The following NTNG2 variants were observed in gnomAD, a reference collection of about 807,000 sequenced individuals.
NTNG2 encodes the protein netrin-G2.
NTNG2 carries 15 observed loss-of-function variants against 47.6 expected under a neutral mutation model. The ratio of observed to expected loss-of-function variants is 0.32; its 90% confidence interval spans 0.21 to 0.49. The LOEUF is 0.49. NTNG2 is among the 20% of genes least tolerant of loss of function. The probability of loss-of-function intolerance (pLI) is 0.99; values close to 1 mark genes in which losing one functional copy is unlikely to be tolerated. For missense variants in NTNG2, 578 were observed against 764.6 expected (o/e 0.76, Z 2.88); for synonymous variants, 307 against 324.6 (o/e 0.95, Z 0.58).
chr9:132,214,596 G>C (rs770441740), intron 3 of NTNG2, among the ~76,000 whole-genome samples: 1 of 152,222 alleles, frequency 6.6e-6, no homozygotes, highest in Non-Finnish European at 1.5e-5. Context: ...CTGTGGCTCT[G>C]TCCTTGCTGG....
chr9:132,223,341 C>G (rs755338030), intron 3 of NTNG2, among the ~76,000 whole-genome samples: 1 of 152,158 alleles, frequency 6.6e-6, no homozygotes, highest in Non-Finnish European at 1.5e-5. Context: ...TTCATTCCCA[C>G]TCAGACAGGG....
chr9:132,205,330 A>G (rs1839085300), intron 3 of NTNG2, among the ~76,000 whole-genome samples: 1 of 152,230 alleles, frequency 6.6e-6, no homozygotes, highest in African/African-American at 2.4e-5. Context: ...CCCTGAGGAC[A>G]TGATGCTAAG....
intron 2 of NTNG2, among the ~76,000 whole-genome samples, chr9:132,173,616 C>T (rs2131308224): frequency 6.6e-6 from 1 of 152,196 alleles, no homozygotes; most frequent in East Asian, 1.9e-4. Flanking sequence ...CCTCCAATCC[C>T]ACCTGCGATG....
rs1216328765 is a variant in NTNG2, at chr9:132,162,891, G to A, written c.-484+652G>A. On this transcript the variant is annotated intron_variant, in intron 1 of 7. Coordinates refer to ENST00000393229, the MANE Select transcript of NTNG2 (RefSeq NM_032536.4). The surrounding 1 kb of genome is among the most constrained non-coding windows in gnomAD (Gnocchi z 4.6). ...CCGGCGTGGAGTCGAACCTGGAACT[G>A]AGCGGCGCGCAGGTGGGGGGAGCAG... Among the ~76,000 whole-genome samples, 1 of 152,094 alleles carries A rather than the reference G, an allele frequency of 6.6e-6. No homozygotes were observed. Among genetic ancestry groups the A allele is most frequent in the Non-Finnish European group, 1.5e-5 (1 of 68,012 alleles).
chr9:132,221,115 T>C lies in NTNG2; in HGVS notation c.858-5734T>C, dbSNP rs1301863509. ...TGATGAGTTTTATGGGGAGGGAGAG[T>C]GTAGCAGGGGCTGATTTGAGGTAGG... On this transcript the variant is annotated intron_variant, in intron 3 of 7. Transcript: ENST00000393229. The surrounding 1 kb of genome is among the most constrained non-coding windows in gnomAD (Gnocchi z 4.2). Among the ~76,000 whole-genome samples the C allele has an allele frequency of 2.0e-5, 3 of 151,326 alleles. 1 individual carries two copies.
Position 132,242,005 on chromosome 9 carries a change from A to T in NTNG2, c.1487A>T (p.Asp496Val). 6.8e-7 allele frequency: 1 copy of T among 1,473,116 alleles called. No individual in the cohort carries two copies. The highest frequency in any genetic ancestry group is 1.3e-5 in the South Asian group (1 of 78,010). The allele number at this position is 1,473,116 out of a possible 1,614,324, so 91.3% of individuals were successfully genotyped here. ...CAGCCCCGCTGCGACCCCGCCGACG[A>T]TGACGGCGGTCTGGACTGCGACCGC... ...CEQPRCDPAD[D>V]DGGLDCDRAP... The change falls in exon 8 of 8, where the codon GAT becomes GTT. Residue 496 changes from aspartate to valine, a missense_variant. Asp to Val is a radical substitution (Grantham distance 152). Coordinates refer to ENST00000393229, the MANE Select transcript of NTNG2 (RefSeq NM_032536.4). This position sits in a 1 kb window ranked among gnomAD's most constrained non-coding sequence, Gnocchi z 5.9.
chr9:132,188,390 G>T (rs1017421217), intron 2 of NTNG2, among the ~76,000 whole-genome samples: 14 of 152,220 alleles, frequency 9.2e-5, no homozygotes, highest in African/African-American at 3.4e-4. Flanking sequence ...AGGCAACAGC[G>T]TCCTTTCCCT....
chr9:132,187,862 C>T (rs1358389413), intron 2 of NTNG2, among the ~76,000 whole-genome samples: 2 of 152,210 alleles, frequency 1.3e-5, no homozygotes, highest in African/African-American at 2.4e-5. Flanking sequence ...CTGAGGAACA[C>T]GCAGAACTTG....
intron 7 of NTNG2, 44 bp downstream of exon 7, chr9:132,241,088 G>C (rs1354992896): frequency 6.5e-7 from 1 of 1,530,934 alleles, no homozygotes; most frequent in Non-Finnish European, 8.7e-7. Context: ...GCGGAAAGGG[G>C]ACGGGGCAGG....
At chr9:132,195,812 T>G (rs1564405639) in intron 2 of NTNG2, among the ~76,000 whole-genome samples, 1 of 152,034 alleles carries the variant, frequency 6.6e-6, no homozygotes, top group Non-Finnish European at 1.5e-5. Flanking sequence ...AATTTTTTTT[T>G]GTAGATACAG....
At chr9:132,223,782 T>G (rs1437733646) in intron 3 of NTNG2, among the ~76,000 whole-genome samples, 2 of 152,242 alleles carry the variant, frequency 1.3e-5, no homozygotes. Context: ...CCCAGGCTTT[T>G]GTCTCCCAGA....
chr9:132,192,667 G>A (rs1837985049), intron 2 of NTNG2, among the ~76,000 whole-genome samples: 3 of 152,164 alleles, frequency 2.0e-5, no homozygotes, highest in African/African-American at 7.2e-5. Flanking sequence ...GGAAAAGGAA[G>A]GTCAGGTCAG....
intron 2 of NTNG2, among the ~76,000 whole-genome samples, chr9:132,186,885 G>C (rs1248836968): frequency 6.6e-6 from 1 of 152,264 alleles, no homozygotes; most frequent in African/African-American, 2.4e-5. Context: ...TGGGAGTGTG[G>C]CACAAAGGTG....
chr9:132,189,092 T>TTTTTTTTTTTTTTTTTTTTTTG (rs1837651788), intron 2 of NTNG2, among the ~76,000 whole-genome samples: 1 of 140,524 alleles, frequency 7.1e-6, no homozygotes, highest in Non-Finnish European at 1.5e-5. Context: ...TTTTTTTTTT[T>TTTTTTTTTTTTTTTTTTTTTTG]TTTAGACAGG....
chr9:132,225,858 G>A (rs867242736), intron 3 of NTNG2, among the ~76,000 whole-genome samples: 1 of 152,144 alleles, frequency 6.6e-6, no homozygotes, highest in African/African-American at 2.4e-5. Flanking sequence ...GAAGAAGTGG[G>A]TCATTACTGC....
chr9:132,229,667 G>A (rs545279376), intron 4 of NTNG2, among the ~76,000 whole-genome samples: 5 of 152,340 alleles, frequency 3.3e-5, no homozygotes, highest in East Asian at 1.9e-4. Flanking sequence ...CCCAGACATG[G>A]AGGTGGAGGA....
chr9:132,174,038 A>G (rs576892384), intron 2 of NTNG2, among the ~76,000 whole-genome samples: 1 of 149,942 alleles, frequency 6.7e-6, no homozygotes, highest in African/African-American at 2.5e-5. Flanking sequence ...ACAGGCAGGC[A>G]GGCCACACCA....
chr9:132,230,009 G>A (rs1302739095), intron 4 of NTNG2, among the ~76,000 whole-genome samples: 1 of 152,218 alleles, frequency 6.6e-6, no homozygotes, highest in African/African-American at 2.4e-5. Context: ...CTCAGCTGTA[G>A]AATCAGGACC....
rs1305404703 is a variant in NTNG2 at position 132,182,166 on chromosome 9, G to A, written c.213+15122G>A. On this transcript the variant is annotated intron_variant, in intron 2 of 7. Transcript: ENST00000393229. This position sits in a 1 kb window ranked among gnomAD's most constrained non-coding sequence, Gnocchi z 4.2. ...TCACTTATTTCATGTCTATTTGGCA[G>A]CGAGCGTGCTCCCACGCACCAGCTC... Among the ~76,000 whole-genome samples, 1 of 152,262 alleles carries A rather than the reference G, an allele frequency of 6.6e-6. No individual in the cohort carries two copies. Among genetic ancestry groups the A allele is most frequent in the African/African-American group, 2.4e-5 (1 of 41,458 alleles).
Sources: allele counts gnomAD v4.1 joint callset (sites outside exome capture counted in the v4.1 genomes callset), GRCh38; gene constraint gnomAD v4.1.1; non-coding constraint Gnocchi (gnomAD v3.1); transcripts MANE v1.5; gene names NCBI Gene and HGNC (gene_info 2026-07-23, HGNC 2026-07-21).